KMT2C: variants seen among roughly 807,000 people sequenced by gnomAD.
KMT2C encodes histone-lysine N-methyltransferase 2C.
A neutral mutation model predicts 507.9 loss-of-function variants in KMT2C; 88 were observed. The observed-to-expected ratio is 0.17, with a 90% CI of 0.15 to 0.21. The LOEUF is 0.21. Ranked by LOEUF, KMT2C falls within the 10% of genes least tolerant of loss-of-function variation. The probability of loss-of-function intolerance (pLI) is 1.00; values close to 1 mark genes in which losing one functional copy is unlikely to be tolerated. For missense variants in KMT2C, 4,954 were observed against 5,957.8 expected, an observed-to-expected ratio of 0.83 and a Z score of 5.55; for synonymous variants, 2,049 against 2,080.8, an observed-to-expected ratio of 0.98 and a Z score of 0.42.
chr7:152,237,094 A>C (rs1353222817), intron 15 of KMT2C, among the ~76,000 whole-genome samples: 1 of 152,078 alleles, frequency 6.6e-6, no homozygotes, highest in Non-Finnish European at 1.5e-5. Context: ...TCCTTGAAAA[A>C]ACCTGGCACC....
chr7:152,192,934 G>A (rs934463179), intron 31 of KMT2C, among the ~76,000 whole-genome samples: 1 of 152,162 alleles, frequency 6.6e-6, no homozygotes, highest in African/African-American at 2.4e-5. Context: ...AGCACTTTGG[G>A]AGGCCATGGT....
At chr7:152,164,270 TA>T in intron 42 of KMT2C, among the ~76,000 whole-genome samples, 1 of 152,166 alleles carries the variant, frequency 6.6e-6, no homozygotes, top group South Asian at 2.1e-4. Flanking sequence ...TTTCATTTCT[TA>T]AATATATAAA....
intron 52 of KMT2C, among the ~76,000 whole-genome samples, chr7:152,147,792 T>C (rs1445312254): frequency 6.6e-6 from 1 of 151,606 alleles, no homozygotes; most frequent in Non-Finnish European, 1.5e-5. Flanking sequence ...CTACAAATCA[T>C]TCTCGGATTT....
intron 46 of KMT2C, chr7:152,155,052 T>C (rs2091943810): frequency 6.6e-6 from 1 of 152,116 alleles, no homozygotes; most frequent in Non-Finnish European, 1.5e-5. Flanking sequence ...TTCTGTTGAG[T>C]TCAAGTTTGA....
intron 23 of KMT2C, among the ~76,000 whole-genome samples, chr7:152,219,048 T>C (rs188773164): frequency 1.4e-4 from 22 of 151,890 alleles, no homozygotes; most frequent in Admixed American, 1.2e-3. Context: ...CAGCTCACTG[T>C]AACCTCCGCC....
intron 55 of KMT2C, among the ~76,000 whole-genome samples, chr7:152,141,482 G>T (rs1177667932): frequency 1.3e-5 from 2 of 151,526 alleles, no homozygotes; most frequent in African/African-American, 4.9e-5. Flanking sequence ...GGCAGAGGTG[G>T]GCGGGTCACA....
At chr7:152,385,507 G>C (rs1291281476) in intron 1 of KMT2C, among the ~76,000 whole-genome samples, 1 of 129,444 alleles carries the variant, frequency 7.7e-6, no homozygotes, top group Non-Finnish European at 1.5e-5. Flanking sequence ...AGCTCCTTGG[G>C]AGGCTGAGGC....
At chr7:152,195,639 A>C in intron 28 of KMT2C, 1 of 648,112 alleles carries the variant, frequency 1.5e-6, no homozygotes, top group Non-Finnish European at 1.9e-6. Context: ...ATACAAACAA[A>C]AGAAGAAAAA....
At chr7:152,239,861 A>T (rs1412558411) in intron 14 of KMT2C, among the ~76,000 whole-genome samples, 1 of 152,248 alleles carries the variant, frequency 6.6e-6, no homozygotes, top group African/African-American at 2.4e-5. Flanking sequence ...ATATCATCAA[A>T]TTAAAAAGTA....
chr7:152,420,985 G>A (rs1349967420), intron 1 of KMT2C, among the ~76,000 whole-genome samples: 1 of 151,672 alleles, frequency 6.6e-6, no homozygotes, highest in African/African-American at 2.4e-5. Context: ...AAACCTGCAA[G>A]TTGTGCACAT....
chr7:152,144,504 C>T lies in KMT2C; in HGVS notation c.14343+209G>A, dbSNP rs1004488195. ...CAAAGATGTGGATTCCACTGGTCTG[C>T]TTTCCCTTTGGGGAAGCCAATCACC... On this transcript the variant is annotated intron_variant, in intron 55 of 58. Coordinates refer to ENST00000262189, the MANE Select transcript of KMT2C (RefSeq NM_170606.3). This position sits in a 1 kb window ranked among gnomAD's most constrained non-coding sequence, Gnocchi z 4.4. Among the ~76,000 whole-genome samples, 2 of 152,248 alleles carry T rather than the reference C, an allele frequency of 1.3e-5. No individual in the cohort carries two copies. The highest frequency in any genetic ancestry group is 2.9e-5 in the Non-Finnish European group (2 of 68,050).
chr7:152,142,846 A>G (rs1563125717), intron 55 of KMT2C, among the ~76,000 whole-genome samples: 1 of 152,230 alleles, frequency 6.6e-6, no homozygotes. Flanking sequence ...ACATGATTCC[A>G]TTTTTATATA....
intron 23 of KMT2C, among the ~76,000 whole-genome samples, chr7:152,215,310 G>A (rs1383080095): frequency 2.0e-5 from 3 of 151,612 alleles, no homozygotes; most frequent in African/African-American, 7.3e-5. Flanking sequence ...TCAGGAGATT[G>A]AGACCAACCT....
chr7:152,380,813 G>GGTA (rs2097367416), intron 1 of KMT2C, among the ~76,000 whole-genome samples: 1 of 152,006 alleles, frequency 6.6e-6, no homozygotes. Context: ...AGGAAGGAGG[G>GGTA]GTAGCACGAA....
At chr7:152,333,185 C>G (rs1340429197) in intron 2 of KMT2C, among the ~76,000 whole-genome samples, 2 of 152,022 alleles carry the variant, frequency 1.3e-5, no homozygotes, top group Non-Finnish European at 2.9e-5. Flanking sequence ...CTCACTCTGT[C>G]GCCCATGCTG....
At position 152,180,907 on chromosome 7, in the gene KMT2C, G is replaced by A. The variant is rs1376435181; in HGVS notation, c.6953C>T (p.Thr2318Ile). The A allele has an allele frequency of 1.2e-6, 2 of 1,614,206 alleles. No homozygotes were observed. Among genetic ancestry groups the A allele is most frequent in the South Asian group, 1.1e-5 (1 of 91,086 alleles). The change falls in exon 36 of 59, where the codon ACT becomes ATT. Residue 2318 changes from threonine (T) to isoleucine (I), a missense_variant. Thr to Ile is a moderately conservative substitution (Grantham distance 89, BLOSUM62 -1). Around this residue, in one of 29 missense-constraint regions of KMT2C, gnomAD observed 1,689 missense variants for 1,654.3 expected, o/e 1.02. Coordinates refer to ENST00000262189, the MANE Select transcript of KMT2C (RefSeq NM_170606.3). ...SQSDSFGTSQ[T>I]AHDVADQPRP... Reference sequence around the variant, plus strand: ...TGGCTGATCAGCAACATCATGGGCAGTTTGACTTGTTCCAAAAGAGTCAGA... The same window carrying A: ...TGGCTGATCAGCAACATCATGGGCAATTTGACTTGTTCCAAAAGAGTCAGA...
Position 152,145,236 on chromosome 7 carries a change from C to A in KMT2C, c.14091G>T (p.Met4697Ile), listed in dbSNP as rs2129093329. 1 of 1,614,150 alleles carries A rather than the reference C, an allele frequency of 6.2e-7. No homozygotes were observed. The highest frequency in any genetic ancestry group is 8.5e-7 in the Non-Finnish European group (1 of 1,180,014). ...TGGGGTTAACGGCAAGAGGAAGTTC[C>A]ATGAGAGGATTTCGGCCGTATCGGA... ...YTFRYGRNPLMELPLAVNPTG... is the reference protein window; with the variant it reads ...YTFRYGRNPLIELPLAVNPTG... The change falls in exon 54 of 59, where the codon ATG (methionine) becomes ATT (isoleucine). Residue 4697 changes from methionine to isoleucine, a missense_variant. Physicochemically the swap from Met to Ile is conservative, Grantham distance 10. Coordinates refer to ENST00000262189, the MANE Select transcript of KMT2C (RefSeq NM_170606.3).
chr7:152,387,532 G>A (rs1227462121), intron 1 of KMT2C, among the ~76,000 whole-genome samples: 4 of 147,534 alleles, frequency 2.7e-5, no homozygotes, highest in Non-Finnish European at 5.9e-5. Flanking sequence ...GTGCAGTGGT[G>A]CCATCTCGGC....
At chr7:152,430,050 C>A (rs1389344153) in intron 1 of KMT2C, among the ~76,000 whole-genome samples, 1 of 132,860 alleles carries the variant, frequency 7.5e-6, no homozygotes, top group African/African-American at 2.7e-5. Context: ...TGGTGGCATG[C>A]GCCTGTAATC....
Sources: gnomAD v4.1 joint callset for allele counts (sites outside exome capture counted in the v4.1 genomes callset) on GRCh38, gnomAD v4.1.1 for gene constraint, gnomAD v4.1.1 regional missense constraint, Gnocchi (gnomAD v3.1) non-coding constraint, MANE v1.5 for transcripts, NCBI Gene and HGNC (gene_info 2026-07-23, HGNC 2026-07-21) for gene names.